Variants in QRFPR observed in about 807,000 individuals in gnomAD.
The protein encoded by QRFPR is pyroglutamylated RF-amide peptide receptor.
In QRFPR, 37 loss-of-function variants were observed where a neutral mutation model predicts 31.3. The observed-to-expected ratio is 1.18, with a 90% CI of 0.91 to 1.56. The LOEUF (loss-of-function observed/expected upper bound fraction) is 1.56. Ranked by LOEUF, QRFPR falls within the 40% of genes most tolerant of loss-of-function variation. QRFPR has a pLI of 0.00. For missense variants in QRFPR, 542 were observed against 532.5 expected (o/e 1.02, Z -0.18); for synonymous variants, 197 against 192.0 (o/e 1.03, Z -0.22).
At chr4:121,373,236 T>G (rs1405208525) in intron 1 of QRFPR, among the ~76,000 whole-genome samples, 2 of 152,206 alleles carry the variant, frequency 1.3e-5, no homozygotes, top group Admixed American at 6.5e-5. Context: ...GCTAAATCCT[T>G]GTCATTATTT....
chr4:121,340,336 T>G (rs759041965), intron 2 of QRFPR, 116 bp downstream of exon 2: 5 of 1,130,600 alleles, frequency 4.4e-6, no homozygotes, highest in Non-Finnish European at 6.5e-6. Flanking sequence ...TCTCAAATTA[T>G]ATTCCAATGC....
chr4:121,343,971 G>A (rs1436951432), intron 1 of QRFPR, among the ~76,000 whole-genome samples: 1 of 152,136 alleles, frequency 6.6e-6, no homozygotes, highest in African/African-American at 2.4e-5. Context: ...TGAAAAAAGG[G>A]ATTAATAATA....
rs1005007850 is a variant in QRFPR, at chr4:121,377,418, T to A, written c.340+2890A>T. Among the ~76,000 whole-genome samples the A allele has an allele frequency of 7.0e-3, 1,054 of 151,646 alleles. 3 individuals are homozygous for A. Among genetic ancestry groups the A allele is most frequent in the Middle Eastern group, 0.01 (3 of 294 alleles). ...ACATAACTATATATATATATATTTT[T>A]TTTTTTTTCCTCCCCAGTTGCACTA... On this transcript the variant is annotated intron_variant, in intron 1 of 5. Coordinates refer to ENST00000394427, the MANE Select transcript of QRFPR (RefSeq NM_198179.3).
chr4:121,343,823 T>C (rs1725593344), intron 1 of QRFPR, among the ~76,000 whole-genome samples: 1 of 152,222 alleles, frequency 6.6e-6, no homozygotes, highest in Admixed American at 6.5e-5. Context: ...TATCTCATTA[T>C]AGTGTTATCC....
chr4:121,372,171 A>G (rs1038481254), intron 1 of QRFPR, among the ~76,000 whole-genome samples: 1 of 152,174 alleles, frequency 6.6e-6, no homozygotes, highest in Non-Finnish European at 1.5e-5. Context: ...CCCACAAGAC[A>G]GGGATAAGAA....
chr4:121,334,608 T>G (rs780784944), intron 3 of QRFPR: 1 of 383,280 alleles, frequency 2.6e-6, no homozygotes, highest in South Asian at 2.0e-5. Flanking sequence ...ATATTTCTAT[T>G]CAGGGTAAAG....
rs1560733567 is a variant in QRFPR, at chr4:121,335,590, C to CG, written c.561+1216dup. ...ATTGTATGGGGGGTGGGGGGTGGGG[C>CG]GGGGAGAGGAGTGGGGCAGGGGAGA... On this transcript the variant is annotated intron_variant, in intron 3 of 5. Transcript: ENST00000394427. Among the ~76,000 whole-genome samples, 24 of 57,900 alleles carry CG rather than the reference C, an allele frequency of 4.1e-4. 3 individuals are homozygous for CG. Among genetic ancestry groups the CG allele is most frequent in the Non-Finnish European group, 6.0e-4 (19 of 31,732 alleles). The allele number at this position is 57,900 out of a possible 152,430, so 38.0% of individuals were successfully genotyped here.
intron 1 of QRFPR, among the ~76,000 whole-genome samples, chr4:121,374,823 C>T (rs190183805): frequency 8.5e-5 from 13 of 152,332 alleles, no homozygotes; most frequent in South Asian, 2.1e-4. Context: ...CTTCCCCCAA[C>T]GATGCTGCCA....
At chr4:121,356,776 G>T (rs527547738) in intron 1 of QRFPR, among the ~76,000 whole-genome samples, 11 of 151,898 alleles carry the variant, frequency 7.2e-5, no homozygotes, top group Non-Finnish European at 1.5e-4. Flanking sequence ...CTCCATTATG[G>T]GCTGCCTGGA....
At chr4:121,353,251 T>G (rs1279907656) in intron 1 of QRFPR, among the ~76,000 whole-genome samples, 2 of 152,138 alleles carry the variant, frequency 1.3e-5, no homozygotes, top group Non-Finnish European at 2.9e-5. Context: ...GACTGCTGGA[T>G]TGTATGGTAG....
At chr4:121,345,259 G>C (rs1032910426) in intron 1 of QRFPR, among the ~76,000 whole-genome samples, 7 of 152,232 alleles carry the variant, frequency 4.6e-5, no homozygotes, top group African/African-American at 1.7e-4. Flanking sequence ...GTGCTCACCA[G>C]ATCATAAGTG....
intron 1 of QRFPR, among the ~76,000 whole-genome samples, chr4:121,353,591 T>A (rs2110475805): frequency 6.6e-6 from 1 of 152,276 alleles, no homozygotes; most frequent in Non-Finnish European, 1.5e-5. Flanking sequence ...CTGTTTGAGC[T>A]CCTTCTATAT....
chr4:121,380,699 C>T lies in QRFPR; in HGVS notation c.-52G>A, dbSNP rs1045783552. The T allele has an allele frequency of 2.1e-5, 30 of 1,450,666 alleles. No individual in the cohort carries two copies. The highest frequency in any genetic ancestry group is 5.0e-5 in the Admixed American group (2 of 39,616). 89.9% of individuals were successfully genotyped at this position (1,450,666 alleles called of 1,614,324 possible). A position where few individuals can be genotyped will look rare whatever the true frequency, so the allele number is the denominator to read the frequency against. On this transcript the variant is annotated 5_prime_UTR_variant, in exon 1 of 6. Transcript: ENST00000394427. The stretch of plus-strand genomic sequence containing the variant: ...CACCGCCCGCTACTGGCTGGCCATC[C>T]GCATCTGCGGGGCAGCGAGGGCTTC...
At chr4:121,371,201 A>G (rs1188992797) in intron 1 of QRFPR, among the ~76,000 whole-genome samples, 4 of 152,224 alleles carry the variant, frequency 2.6e-5, no homozygotes, top group Non-Finnish European at 5.9e-5. Context: ...CTGATATGAC[A>G]GTAAATGTGT....
chr4:121,331,622 C>CATTATT (rs59488750), intron 4 of QRFPR, among the ~76,000 whole-genome samples: 17,569 of 142,544 alleles, frequency 0.12, 1,150 homozygotes, highest in Middle Eastern at 0.19. Flanking sequence ...CTCATTATCT[C>CATTATT]ATTATTATTA....
intron 1 of QRFPR, among the ~76,000 whole-genome samples, chr4:121,364,006 A>C (rs936044687): frequency 6.7e-6 from 1 of 150,110 alleles, no homozygotes; most frequent in Non-Finnish European, 1.5e-5. Context: ...CTAAATGATA[A>C]CTGGCTGAAG....
At chr4:121,335,318 TC>T (rs1725411023) in intron 3 of QRFPR, among the ~76,000 whole-genome samples, 1 of 152,022 alleles carries the variant, frequency 6.6e-6, no homozygotes, top group Admixed American at 6.6e-5. Flanking sequence ...CTAGAGTGAA[TC>T]ATTATGAAAA....
chr4:121,372,222 T>G (rs1726260734), intron 1 of QRFPR, among the ~76,000 whole-genome samples: 1 of 152,116 alleles, frequency 6.6e-6, no homozygotes, highest in South Asian at 2.1e-4. Flanking sequence ...TTCTTCCTGC[T>G]GTAGGGGGTA....
intron 5 of QRFPR, among the ~76,000 whole-genome samples, chr4:121,330,109 G>A (rs916863271): frequency 4.6e-5 from 7 of 152,188 alleles, no homozygotes; most frequent in African/African-American, 1.4e-4. Context: ...GACTGTTCAA[G>A]TCAGGGTTCT....
Sources: gnomAD v4.1 joint callset for allele counts (sites outside exome capture counted in the v4.1 genomes callset) on GRCh38, gnomAD v4.1.1 for gene constraint, MANE v1.5 for transcripts, NCBI Gene and HGNC (gene_info 2026-07-23, HGNC 2026-07-21) for gene names.